The following RFX3 variants were observed in gnomAD, a reference collection of about 807,000 sequenced individuals.
The protein encoded by RFX3 is transcription factor RFX3.
Under a neutral mutation model 98.6 loss-of-function variants are expected in RFX3, and 14 were observed. The ratio of observed to expected loss-of-function variants is 0.14; its 90% CI spans 0.09 to 0.22. The LOEUF (loss-of-function observed/expected upper bound fraction) is 0.22, where lower values mean the gene tolerates loss of function less well. Ranked by LOEUF, RFX3 falls within the 10% of genes least tolerant of loss-of-function variation. RFX3 has a pLI of 1.00. For synonymous variants in RFX3, 383 were observed against 328.4 expected (o/e 1.17, Z -1.80); for missense variants, 639 against 926.9 (o/e 0.69, Z 4.03).
chr9:3,253,766 G>C (rs973861269), intron 14 of RFX3, among the ~76,000 whole-genome samples: 1 of 152,166 alleles, frequency 6.6e-6, no homozygotes, highest in Non-Finnish European at 1.5e-5. Flanking sequence ...TGAAGGGCCT[G>C]TGTATGTGAC....
At chr9:3,338,386 C>T (rs1833448740) in intron 3 of RFX3, among the ~76,000 whole-genome samples, 1 of 152,172 alleles carries the variant, frequency 6.6e-6, no homozygotes, top group African/African-American at 2.4e-5. Flanking sequence ...CTTGTAATAA[C>T]TTACTGAGTT....
At chr9:3,364,464 T>C (rs1836815995) in intron 2 of RFX3, 1 of 263,576 alleles carries the variant, frequency 3.8e-6, no homozygotes, top group Non-Finnish European at 7.4e-6. Flanking sequence ...GGAAGTTATT[T>C]GCTTCTTTGA....
intron 7 of RFX3, among the ~76,000 whole-genome samples, chr9:3,285,532 A>G: frequency 6.6e-6 from 1 of 151,682 alleles, no homozygotes; most frequent in East Asian, 1.9e-4. Context: ...AGGCTTATCA[A>G]TGTTGTCAGT....
At chr9:3,232,806 G>A (rs139994005) in intron 15 of RFX3, among the ~76,000 whole-genome samples, 141 of 150,178 alleles carry the variant, frequency 9.4e-4, no homozygotes, top group African/African-American at 3.1e-3. Context: ...GAGAGAAATG[G>A]GATGGGATGT....
At chr9:3,310,343 T>C (rs1032530129) in intron 4 of RFX3, among the ~76,000 whole-genome samples, 5 of 152,166 alleles carry the variant, frequency 3.3e-5, no homozygotes, top group Non-Finnish European at 7.4e-5. Flanking sequence ...TAACCTGTCA[T>C]TCCCTTATAT....
intron 3 of RFX3, among the ~76,000 whole-genome samples, chr9:3,331,732 T>G (rs78975283): frequency 0.021 from 3,239 of 152,300 alleles, 117 homozygotes; most frequent in African/African-American, 0.074. Context: ...GTTTTCCATT[T>G]TGAGCTCTTA....
At chr9:3,378,640 T>C (rs1378739803) in intron 2 of RFX3, among the ~76,000 whole-genome samples, 1 of 146,866 alleles carries the variant, frequency 6.8e-6, no homozygotes, top group Non-Finnish European at 1.5e-5. Context: ...CACTGCAACC[T>C]CTGCCTCCCG....
intron 1 of RFX3, among the ~76,000 whole-genome samples, chr9:3,501,132 T>C (rs535186501): frequency 6.6e-6 from 1 of 152,202 alleles, no homozygotes; most frequent in African/African-American, 2.4e-5. Flanking sequence ...TATTCCACCA[T>C]GCAATTAGCC....
chr9:3,355,198 C>G (rs1350020562), intron 2 of RFX3, among the ~76,000 whole-genome samples: 1 of 151,496 alleles, frequency 6.6e-6, no homozygotes, highest in Non-Finnish European at 1.5e-5. Context: ...AAACAAATAA[C>G]AAGACACTAG....
At chr9:3,447,449 C>A (rs972731967) in intron 1 of RFX3, among the ~76,000 whole-genome samples, 17 of 152,096 alleles carry the variant, frequency 1.1e-4, no homozygotes, top group African/African-American at 4.1e-4. Context: ...CTAAGACATC[C>A]ATTAAACAAA....
chr9:3,410,113 A>T (rs1424135576), intron 1 of RFX3, among the ~76,000 whole-genome samples: 1 of 145,754 alleles, frequency 6.9e-6, no homozygotes, highest in Non-Finnish European at 1.5e-5. Context: ...TTCTCACATG[A>T]GTAAGGCTCT....
At chr9:3,246,896 A>T (rs1283891308) in intron 15 of RFX3, 1 of 204,818 alleles carries the variant, frequency 4.9e-6, no homozygotes, top group African/African-American at 2.4e-5. Flanking sequence ...GAAGTGGAAA[A>T]GATGAATATT....
intron 2 of RFX3, among the ~76,000 whole-genome samples, chr9:3,365,755 C>T (rs1378592243): frequency 6.6e-6 from 1 of 152,080 alleles, no homozygotes; most frequent in African/African-American, 2.4e-5. Flanking sequence ...TATGCTCACA[C>T]TTCCTGCTAT....
intron 1 of RFX3, chr9:3,469,016 G>C: frequency 3.0e-6 from 1 of 329,448 alleles, no homozygotes; most frequent in South Asian, 2.6e-5. Flanking sequence ...TCTCTAATTA[G>C]TGTAGCCAAA....
intron 2 of RFX3, among the ~76,000 whole-genome samples, chr9:3,355,285 G>T (rs1835617068): frequency 6.6e-6 from 1 of 151,660 alleles, no homozygotes; most frequent in African/African-American, 2.4e-5. Flanking sequence ...GGTAAAAATG[G>T]GTGAGATCCA....
intron 1 of RFX3, among the ~76,000 whole-genome samples, chr9:3,450,946 C>T (rs1334449199): frequency 6.6e-6 from 1 of 152,142 alleles, no homozygotes; most frequent in Admixed American, 6.6e-5. Flanking sequence ...TTACAACTGG[C>T]ACCCAGATCT....
At chr9:3,499,553 G>C (rs189056786) in intron 1 of RFX3, among the ~76,000 whole-genome samples, 1 of 152,086 alleles carries the variant, frequency 6.6e-6, no homozygotes, top group East Asian at 1.9e-4. Context: ...ATGTAAATGA[G>C]AAGAAAAGCA....
chr9:3,387,267 A>G (rs1178202224), intron 2 of RFX3, among the ~76,000 whole-genome samples: 3 of 152,156 alleles, frequency 2.0e-5, no homozygotes, highest in African/African-American at 7.2e-5. Flanking sequence ...ATCAAATACC[A>G]TGTCAAATTT....
chr9:3,506,504 T>G (rs1421542626), intron 1 of RFX3, among the ~76,000 whole-genome samples: 6 of 152,004 alleles, frequency 3.9e-5, no homozygotes, highest in African/African-American at 1.4e-4. Flanking sequence ...GTTCCCATAA[T>G]GCCCCGCATG....
Sources: gnomAD v4.1 joint callset for allele counts (sites outside exome capture counted in the v4.1 genomes callset) on GRCh38, gnomAD v4.1.1 for gene constraint, MANE v1.5 for transcripts, NCBI Gene and HGNC (gene_info 2026-07-23, HGNC 2026-07-21) for gene names.